Variants in CNOT3 observed in about 807,000 individuals in gnomAD.
CNOT3 encodes the protein CCR4-associated factor 3.
CNOT3 carries 2 observed loss-of-function variants against 89.4 expected under a neutral mutation model. The observed-to-expected ratio is 0.02, with a 90% confidence interval of 0.01 to 0.07. The LOEUF (loss-of-function observed/expected upper bound fraction) is 0.07, where lower values mean the gene tolerates loss of function less well. Among genes scored for constraint, CNOT3 ranks in the 10% least tolerant of loss-of-function variants. CNOT3 has a pLI of 1.00. For missense variants in CNOT3, 664 were observed against 1,010.2 expected, an observed-to-expected ratio of 0.66 and a Z score of 4.65; for synonymous variants, 486 against 402.0, an observed-to-expected ratio of 1.21 and a Z score of -2.50.
intron 13 of CNOT3, among the ~76,000 whole-genome samples, chr19:54,151,027 G>A (rs1278065731): frequency 6.6e-6 from 1 of 152,104 alleles, no homozygotes. Flanking sequence ...CGAACCTCAG[G>A]TGATCCACCC....
In CNOT3 at chr19:54,152,330, G is replaced by A. The variant is rs749175420; in HGVS notation, c.1705+5G>A. 6.2e-7 allele frequency: 1 copy of A among 1,614,200 alleles called. No individual in the cohort carries two copies. On this transcript the variant is annotated splice_donor_5th_base_variant and intron_variant, in intron 14 of 17. Coordinates refer to ENST00000221232, the MANE Select transcript of CNOT3 (RefSeq NM_014516.4). ...CGCTGCACCTGACCGAGCGAGGTGA[G>A]GGACCCAGGATGGTGGGGAAGCAGC...
intron 1 of CNOT3, chr19:54,141,690 T>C (rs587768980): frequency 6.6e-6 from 1 of 152,336 alleles, no homozygotes; most frequent in African/African-American, 2.4e-5. Context: ...GTATTGAGGC[T>C]CTTGTTCCTC....
In CNOT3 at chr19:54,155,631, T is replaced by C. The variant is rs1303755911; in HGVS notation, c.*224T>C. ...CTCCCCAGTGAGGGACATTTTTTGG[T>C]AAACCTATTTTCATTTTGGAAAATA... On this transcript the variant is annotated 3_prime_UTR_variant, in exon 18 of 18. Transcript: ENST00000221232. The C allele has an allele frequency of 1.5e-6, 2 of 1,326,848 alleles. No individual in the cohort carries two copies. The highest frequency in any genetic ancestry group is 2.1e-6 in the Non-Finnish European group (2 of 971,406). 82.2% of individuals were successfully genotyped at this position (1,326,848 alleles called of 1,614,324 possible). A position where few individuals can be genotyped will look rare whatever the true frequency, so the allele number is the denominator to read the frequency against.
Position 54,145,913 on chromosome 19 carries a change from A to T in CNOT3, c.707A>T (p.Gln236Leu). The change falls in exon 9 of 18, where the codon CAG becomes CTG. Residue 236 changes from glutamine (Q) to leucine (L), a missense_variant. Gln to Leu is a moderately radical substitution (Grantham distance 113, BLOSUM62 -2). Coordinates refer to ENST00000221232, the MANE Select transcript of CNOT3 (RefSeq NM_014516.4). This position sits in a 1 kb window ranked among gnomAD's most constrained non-coding sequence, Gnocchi z 5.9. ...YDDLDLEDIPQALVATSPPSH... is the reference protein window; with the variant it reads ...YDDLDLEDIPLALVATSPPSH... The stretch of plus-strand genomic sequence containing the variant: ...TGCCCTTCTTCTGCCCCCACAGCAC[A>T]GGCGCTGGTCGCCACCTCCCCCCCC... 2 of 1,613,380 alleles carry T rather than the reference A, an allele frequency of 1.2e-6. No individual in the cohort carries two copies. The highest frequency in any genetic ancestry group is 2.2e-5 in the South Asian group (2 of 91,056).
At chr19:54,153,689 C>T (rs1387282011) in intron 16 of CNOT3, 26 bp from the exon 17 acceptor site, 9 of 1,608,516 alleles carry the variant, frequency 5.6e-6, no homozygotes, top group Middle Eastern at 1.7e-4. Context: ...GCCCCCTGAT[C>T]CCCCTCTCCA....
chr19:54,149,216 G>A (rs1415036664), intron 12 of CNOT3, among the ~76,000 whole-genome samples: 2 of 152,148 alleles, frequency 1.3e-5, no homozygotes, highest in Admixed American at 1.3e-4. Flanking sequence ...CCTGCTTCCT[G>A]CCCCCTCACC....
At position 54,148,411 on chromosome 19, in the gene CNOT3, C is replaced by A. The variant is rs1370597375; in HGVS notation, c.1158C>A (p.Thr386=). 2.6e-6 allele frequency: 4 copies of A among 1,564,738 alleles called. No individual in the cohort carries two copies. The highest frequency in any genetic ancestry group is 1.7e-4 in the Middle Eastern group (1 of 5,810). Residue 386 remains threonine (T), a synonymous_variant, in exon 11 of 18, where the codon ACC becomes ACA. Transcript: ENST00000221232. The surrounding 1 kb of genome is among the most constrained non-coding windows in gnomAD (Gnocchi z 6.3). The stretch of plus-strand genomic sequence containing the variant: ...CAGCTCCCAGTGGGCCCAGCACGAC[C>A]CAGCCCCGGCCCCCCAGCGTCCAGC... ...APPAPSGPST[T]QPRPPSVQPS... is the part of the protein sequence containing the mutation.
intron 1 of CNOT3, 149 bp from the exon 2 acceptor site, chr19:54,142,779 CA>C (rs1258845058): frequency 6.3e-6 from 4 of 634,634 alleles, no homozygotes; most frequent in Non-Finnish European, 1.1e-5. Flanking sequence ...AAGCGAGCAT[CA>C]GGAGAACTGG....
rs367641242 is a variant in CNOT3 at position 54,146,677 on chromosome 19, G to A, written c.894+20G>A. Reference sequence around the variant, plus strand: ...AGCCAGGTGGGTGTGAGCCTGGACCGGGTGGGCACGCCATTCACTCCTCTG... The same window carrying A: ...AGCCAGGTGGGTGTGAGCCTGGACCAGGTGGGCACGCCATTCACTCCTCTG... On this transcript the variant is annotated intron_variant, in intron 10 of 17. Coordinates refer to ENST00000221232, the MANE Select transcript of CNOT3 (RefSeq NM_014516.4). The A allele has an allele frequency of 8.7e-6, 12 of 1,387,156 alleles. No individual in the cohort carries two copies. Among genetic ancestry groups the A allele is most frequent in the African/African-American group, 1.4e-5 (1 of 70,524 alleles). The allele number at this position is 1,387,156 out of a possible 1,614,324, so 85.9% of individuals were successfully genotyped here.
In CNOT3 at chr19:54,146,676, C is replaced by T. The variant is rs201797045; in HGVS notation, c.894+19C>T. The T allele has an allele frequency of 7.4e-5, 103 of 1,384,392 alleles. No individual in the cohort carries two copies. In the African/African-American group the frequency reaches 1.1e-3, roughly 15 times the overall value. 85.8% of individuals were successfully genotyped at this position (1,384,392 alleles called of 1,614,324 possible). ...CAGCCAGGTGGGTGTGAGCCTGGAC[C>T]GGGTGGGCACGCCATTCACTCCTCT... is the stretch of plus-strand genomic sequence containing the variant. On this transcript the variant is annotated intron_variant, in intron 10 of 17. Transcript: ENST00000221232.
Position 54,155,545 on chromosome 19 carries a change from G to A in CNOT3, c.*138G>A, listed in dbSNP as rs1482989745. ...TCTCCCAGGAAGCAGGGAGGGGGCC[G>A]GGAGGTTTTCCTCTCAGCCCCACCC... On this transcript the variant is annotated 3_prime_UTR_variant, in exon 18 of 18. Coordinates refer to ENST00000221232, the MANE Select transcript of CNOT3 (RefSeq NM_014516.4). 36 of 912,546 alleles carry A rather than the reference G, an allele frequency of 3.9e-5. 1 individual carries two copies. Among genetic ancestry groups the A allele is most frequent in the African/African-American group, 2.2e-4 (13 of 59,886 alleles). 56.5% of individuals were successfully genotyped at this position (912,546 alleles called of 1,614,324 possible).
Position 54,143,157 on chromosome 19 carries a change from G to C in CNOT3, c.64G>C (p.Val22Leu). The change falls in exon 3 of 18, where the codon GTG becomes CTG. Residue 22 changes from valine to leucine, a missense_variant. By Grantham distance (32) the Val-to-Leu change is conservative (BLOSUM62 1). This residue lies in a region of CNOT3 where 27 missense variants were observed against 158.2 expected (regional missense o/e 0.17). Coordinates refer to ENST00000221232, the MANE Select transcript of CNOT3 (RefSeq NM_014516.4). ...DRCLKKVSEGVEQFEDIWQKL... is the reference protein window; with the variant it reads ...DRCLKKVSEGLEQFEDIWQKL... Reference sequence around the variant, plus strand: ...CTGCCTCAAGAAGGTGTCCGAGGGCGTGGAGCAGTTTGAAGATATTTGGCA... The same window carrying C: ...CTGCCTCAAGAAGGTGTCCGAGGGCCTGGAGCAGTTTGAAGATATTTGGCA... The C allele has an allele frequency of 1.9e-6, 3 of 1,613,976 alleles. No individual in the cohort carries two copies. The highest frequency in any genetic ancestry group is 2.5e-6 in the Non-Finnish European group (3 of 1,179,956).
chr19:54,143,962 T>C (rs1336382759), intron 5 of CNOT3, 44 bp from the exon 6 acceptor site: 1 of 1,582,290 alleles, frequency 6.3e-7, no homozygotes, highest in African/African-American at 1.4e-5. Context: ...AGTCAGCTCC[T>C]TTCCCACCTT....
At position 54,145,445 on chromosome 19, in the gene CNOT3, T is replaced by C; in HGVS notation, c.484-153T>C. The C allele has an allele frequency of 3.2e-6, 2 of 619,536 alleles. No individual in the cohort carries two copies. Among genetic ancestry groups the C allele is most frequent in the Non-Finnish European group, 5.8e-6 (2 of 343,902 alleles). 38.4% of individuals were successfully genotyped at this position (619,536 alleles called of 1,614,324 possible). ...ATTGGTCCCCACAGGGCTCAGAGGG[T>C]GGGTGGACCCCATACTGCCCCACCC... is the stretch of plus-strand genomic sequence containing the variant. On this transcript the variant is annotated intron_variant, in intron 7 of 17. Transcript: ENST00000221232. The surrounding 1 kb of genome is among the most constrained non-coding windows in gnomAD (Gnocchi z 5.9).
Position 54,145,616 on chromosome 19 carries a change from G to A in CNOT3, c.502G>A (p.Gly168Ser). The A allele has an allele frequency of 1.2e-6, 2 of 1,613,742 alleles. No homozygotes were observed. The highest frequency in any genetic ancestry group is 1.3e-5 in the African/African-American group (1 of 74,990). The change falls in exon 8 of 18, where the codon GGC (glycine) becomes AGC (serine). Residue 168 changes from glycine (G) to serine (S), a missense_variant. Transcript: ENST00000221232. This position sits in a 1 kb window ranked among gnomAD's most constrained non-coding sequence, Gnocchi z 5.9. ...GDKDKQDRIE[G>S]LKRHIEKHRY... ...CCAGCAGAAGCAGGACCGGATTGAG[G>A]GCTTGAAGCGGCACATCGAGAAGCA...
Position 54,155,537 on chromosome 19 carries a change from AG to A in CNOT3, c.*135del. 1 of 904,826 alleles carries A rather than the reference AG, an allele frequency of 1.1e-6. No homozygotes were observed. The allele number at this position is 904,826 out of a possible 1,614,324, so 56.0% of individuals were successfully genotyped here. On this transcript the variant is annotated 3_prime_UTR_variant, in exon 18 of 18. Coordinates refer to ENST00000221232, the MANE Select transcript of CNOT3 (RefSeq NM_014516.4). ...CATCCCCCTCTCCCAGGAAGCAGGG[AG>A]GGGGCCGGGAGGTTTTCCTCTCAGC...
At chr19:54,153,139 G>GCC (rs2075220908) in intron 16 of CNOT3, 140 bp downstream of exon 16, 1 of 777,064 alleles carries the variant, frequency 1.3e-6, no homozygotes, top group Non-Finnish European at 2.3e-6. Context: ...CCACTCCTGG[G>GCC]CCCCTGCCCC....
intron 17 of CNOT3, 161 bp downstream of exon 17, chr19:54,154,001 G>A (rs1389213948): frequency 1.1e-6 from 1 of 888,322 alleles, no homozygotes; most frequent in Non-Finnish European, 1.9e-6. Flanking sequence ...TGCTCAGCCT[G>A]GAACACCGCC....
chr19:54,155,061 C>T (rs1484456017), intron 17 of CNOT3: 3 of 552,340 alleles, frequency 5.4e-6, no homozygotes, highest in East Asian at 3.2e-5. Context: ...GCTGGGGCCC[C>T]GTTCTGGCAG....
Sources: allele counts gnomAD v4.1 joint callset (sites outside exome capture counted in the v4.1 genomes callset), GRCh38; gene constraint gnomAD v4.1.1; regional missense constraint gnomAD v4.1.1; non-coding constraint Gnocchi (gnomAD v3.1); transcripts MANE v1.5; gene names NCBI Gene and HGNC (gene_info 2026-07-23, HGNC 2026-07-21).